Variants in LRP2 observed in about 807,000 individuals in gnomAD.
LRP2 encodes LDL receptor related protein 2, also known as low-density lipoprotein receptor-related protein 2.
Under a neutral mutation model 531.0 loss-of-function variants are expected in LRP2, and 172 were observed. The ratio of observed to expected loss-of-function variants is 0.32; its 90% CI spans 0.29 to 0.37. The LOEUF is 0.37. LRP2 is among the 10% of genes least tolerant of loss of function. The pLI, the probability that LRP2 is intolerant of heterozygous loss-of-function variation, is 1.00. For missense variants in LRP2, 5,167 were observed against 5,868.3 expected, an observed-to-expected ratio of 0.88 and a Z score of 3.90; for synonymous variants, 1,992 against 2,027.6, an observed-to-expected ratio of 0.98 and a Z score of 0.47.
chr2:169,341,013 G>C (rs1396701544), intron 1 of LRP2, among the ~76,000 whole-genome samples: 1 of 152,152 alleles, frequency 6.6e-6, no homozygotes, highest in Non-Finnish European at 1.5e-5. Flanking sequence ...CTCTTCTAGA[G>C]GAAGAGATAA....
intron 4 of LRP2, among the ~76,000 whole-genome samples, chr2:169,302,769 A>T (rs830967): frequency 0.66 from 99,034 of 150,878 alleles, 33,309 homozygotes; most frequent in East Asian, 0.8. Flanking sequence ...AGTAAATTGC[A>T]AGGGGTAAAG....
chr2:169,353,075 C>A (rs986940242), intron 1 of LRP2, among the ~76,000 whole-genome samples: 8 of 151,938 alleles, frequency 5.3e-5, no homozygotes, highest in Non-Finnish European at 8.8e-5. Context: ...ATTTTCATAC[C>A]CCTGCTTTAG....
intron 41 of LRP2, 89 bp from the exon 42 acceptor site, chr2:169,204,360 G>T: frequency 1.6e-6 from 2 of 1,223,082 alleles, no homozygotes; most frequent in Non-Finnish European, 2.4e-6. Flanking sequence ...CCTCATCATT[G>T]TTTACACAAG....
intron 3 of LRP2, among the ~76,000 whole-genome samples, chr2:169,310,762 T>C (rs987775401): frequency 6.6e-6 from 1 of 152,224 alleles, no homozygotes; most frequent in African/African-American, 2.4e-5. Flanking sequence ...ATTGGAAAAG[T>C]TTCAGAAGGA....
intron 34 of LRP2, among the ~76,000 whole-genome samples, chr2:169,219,442 G>T (rs1011052575): frequency 6.6e-6 from 1 of 152,118 alleles, no homozygotes; most frequent in African/African-American, 2.4e-5. Context: ...AAACAGACCG[G>T]AGGACTCCAG....
intron 76 of LRP2, 149 bp downstream of exon 76, chr2:169,137,243 G>T: frequency 1.4e-6 from 1 of 717,988 alleles, no homozygotes; most frequent in Non-Finnish European, 2.6e-6. Context: ...GGTTGGTCCT[G>T]TTCCTGCAGA....
intron 60 of LRP2, 61 bp downstream of exon 60, chr2:169,169,641 T>C: frequency 7.6e-7 from 1 of 1,315,724 alleles, no homozygotes; most frequent in Non-Finnish European, 1.1e-6. Flanking sequence ...CGGACTGATG[T>C]CTAAACTATC....
chr2:169,293,382 C>T (rs1684050087), intron 6 of LRP2, among the ~76,000 whole-genome samples: 1 of 152,148 alleles, frequency 6.6e-6, no homozygotes, highest in African/African-American at 2.4e-5. Flanking sequence ...CTATACCACA[C>T]TGAAACTTTC....
intron 3 of LRP2, among the ~76,000 whole-genome samples, chr2:169,314,246 A>C (rs929157714): frequency 7.1e-6 from 1 of 140,386 alleles, no homozygotes; most frequent in Non-Finnish European, 1.5e-5. Context: ...AAGAAAAAAA[A>C]AATAAATTTA....
intron 77 of LRP2, among the ~76,000 whole-genome samples, chr2:169,130,208 G>C: frequency 6.6e-6 from 1 of 152,194 alleles, no homozygotes; most frequent in South Asian, 2.1e-4. Context: ...CAAGAGGAAA[G>C]GGACGGTGAC....
At chr2:169,330,643 T>C (rs1018517166) in intron 1 of LRP2, among the ~76,000 whole-genome samples, 2 of 152,194 alleles carry the variant, frequency 1.3e-5, no homozygotes, top group Non-Finnish European at 2.9e-5. Context: ...AGAACTGTCC[T>C]GGTCAAAGCA....
chr2:169,248,639 T>C (rs1004450010), intron 19 of LRP2, among the ~76,000 whole-genome samples: 1 of 123,962 alleles, frequency 8.1e-6, no homozygotes, highest in African/African-American at 3.4e-5. Flanking sequence ...GGAGCCAAGA[T>C]GGCCGAATAG....
intron 26 of LRP2, among the ~76,000 whole-genome samples, chr2:169,238,742 C>G (rs1689696812): frequency 2.0e-5 from 3 of 152,142 alleles, no homozygotes; most frequent in African/African-American, 7.2e-5. Context: ...CACCCCCTCT[C>G]TTCTTTTTCT....
chr2:169,282,169 C>A (rs775240812), intron 10 of LRP2, among the ~76,000 whole-genome samples: 2 of 152,184 alleles, frequency 1.3e-5, no homozygotes, highest in Non-Finnish European at 2.9e-5. Context: ...ATGGGCCATT[C>A]TTCAGTCATG....
chr2:169,201,952 G>A (rs1025111332), intron 43 of LRP2, 82 bp from the exon 44 acceptor site: 4 of 1,555,436 alleles, frequency 2.6e-6, no homozygotes, highest in Non-Finnish European at 3.5e-6. Flanking sequence ...TTAAATAAAA[G>A]AGACACTTTG....
chr2:169,272,100 G>A (rs914814424), intron 15 of LRP2, among the ~76,000 whole-genome samples: 4 of 152,130 alleles, frequency 2.6e-5, no homozygotes, highest in Non-Finnish European at 4.4e-5. Context: ...TAACAAATGT[G>A]TCTGGGTTAG....
In LRP2 at chr2:169,239,629, C is replaced by G; in HGVS notation, c.4192G>C (p.Gly1398Arg). The G allele has an allele frequency of 6.2e-7, 1 of 1,614,080 alleles. No homozygotes were observed. Among genetic ancestry groups the G allele is most frequent in the Non-Finnish European group, 8.5e-7 (1 of 1,179,956 alleles). The stretch of plus-strand genomic sequence containing the variant: ...TTGTAACAGTGCTGGCTACAAGAGC[C>G]TAGAATATCACATTCATCTATGTCT... ...CEDIDECDIL[G>R]SCSQHCYNMR... The change falls in exon 26 of 79, where the codon GGC becomes CGC. Residue 1398 changes from glycine to arginine, a missense_variant. Physicochemically the swap from Gly to Arg is moderately radical, Grantham distance 125. Coordinates refer to ENST00000649046, the MANE Select transcript of LRP2 (RefSeq NM_004525.3).
At chr2:169,338,089 C>T (rs1480076133) in intron 1 of LRP2, among the ~76,000 whole-genome samples, 1 of 150,992 alleles carries the variant, frequency 6.6e-6, no homozygotes, top group Non-Finnish European at 1.5e-5. Context: ...TCCAGCCTGA[C>T]TGACAGAGCA....
At chr2:169,284,021 T>G (rs1220633185) in intron 9 of LRP2, among the ~76,000 whole-genome samples, 1 of 152,082 alleles carries the variant, frequency 6.6e-6, no homozygotes, top group Admixed American at 6.5e-5. Context: ...CTATACAAAC[T>G]ATAACAATAG....
Sources: allele counts gnomAD v4.1 joint callset (sites outside exome capture counted in the v4.1 genomes callset), GRCh38; gene constraint gnomAD v4.1.1; transcripts MANE v1.5; gene names NCBI Gene and HGNC (gene_info 2026-07-23, HGNC 2026-07-21).